The following ANKRD11 variants were observed in gnomAD, a reference collection of about 807,000 sequenced individuals.
ANKRD11 encodes ankyrin repeat domain 11, also known as ankyrin repeat domain-containing protein 11.
ANKRD11 carries 17 observed loss-of-function variants against 195.7 expected under a neutral mutation model. The ratio of observed to expected loss-of-function variants is 0.09; its 90% CI spans 0.06 to 0.13. ANKRD11 has a LOEUF of 0.13. ANKRD11 is among the 10% of genes least tolerant of loss of function. The pLI, the probability that ANKRD11 is intolerant of heterozygous loss-of-function variation, is 1.00. For missense variants in ANKRD11, 3,735 were observed against 3,566.1 expected (o/e 1.05, Z -1.21); for synonymous variants, 1,953 against 1,528.1 (o/e 1.28, Z -6.49).
intron 3 of ANKRD11, among the ~76,000 whole-genome samples, chr16:89,309,042 A>AGACAGCACAGGAG (rs1390785599): frequency 2.4e-4 from 37 of 152,218 alleles, no homozygotes; most frequent in Non-Finnish European, 2.8e-4. Flanking sequence ...AGCTTCTAGA[A>AGACAGCACAGGAG]GACAGCACAG....
chr16:89,453,664 T>C (rs927901943), intron 1 of ANKRD11, among the ~76,000 whole-genome samples: 4 of 152,000 alleles, frequency 2.6e-5, no homozygotes, highest in African/African-American at 4.8e-5. Flanking sequence ...CGAAAAAACA[T>C]ATGGGAAAAT....
chr16:89,423,423 G>A (rs1261336533), intron 1 of ANKRD11, among the ~76,000 whole-genome samples: 4 of 152,222 alleles, frequency 2.6e-5, no homozygotes, highest in Admixed American at 6.5e-5. Context: ...AGAACGGCCC[G>A]CAGTGCATTC....
intron 2 of ANKRD11, among the ~76,000 whole-genome samples, chr16:89,390,306 G>A (rs188976520): frequency 1.9e-4 from 28 of 150,188 alleles, no homozygotes; most frequent in African/African-American, 6.8e-4. Flanking sequence ...GGCGAACACC[G>A]AGTGTGGCGT....
At position 89,286,021 on chromosome 16, in the gene ANKRD11, C is replaced by T. The variant is rs1430781264; in HGVS notation, c.892+18G>A. ...TCCCTGCATAAAAGAACAGGCAGCT[C>T]AGGTGGCCGTGACTTACCCGTCGAG... On this transcript the variant is annotated intron_variant, in intron 8 of 12. Coordinates refer to ENST00000301030, the MANE Select transcript of ANKRD11 (RefSeq NM_013275.6). 1.2e-6 allele frequency: 2 copies of T among 1,614,034 alleles called. No homozygotes were observed. Among genetic ancestry groups the T allele is most frequent in the African/African-American group, 2.7e-5 (2 of 74,936 alleles).
chr16:89,370,679 C>T (rs2040154432), intron 2 of ANKRD11: 1 of 152,468 alleles, frequency 6.6e-6, no homozygotes, highest in South Asian at 2.1e-4. Flanking sequence ...ACCCACCTGG[C>T]CTTGTTCCTC....
Position 89,284,035 on chromosome 16 carries a change from T to C in ANKRD11, c.2507A>G (p.Asp836Gly). 1 of 1,614,164 alleles carries C rather than the reference T, an allele frequency of 6.2e-7. No homozygotes were observed. The highest frequency in any genetic ancestry group is 8.5e-7 in the Non-Finnish European group (1 of 1,180,040). The change falls in exon 9 of 13, where the codon GAT (aspartate) becomes GGT (glycine). Residue 836 changes from aspartate (D) to glycine (G), a missense_variant. Asp to Gly is a moderately conservative substitution (Grantham distance 94). Transcript: ENST00000301030. ...NEDTKFSLSD[D>G]QRDRWFSDLS... The stretch of plus-strand genomic sequence containing the variant: ...GTCAGAAAACCACCGATCTCGCTGA[T>C]CGTCAGAAAGGCTAAATTTGGTGTC...
intron 1 of ANKRD11, among the ~76,000 whole-genome samples, chr16:89,475,326 G>A (rs1257532346): frequency 6.6e-6 from 1 of 152,156 alleles, no homozygotes; most frequent in South Asian, 2.1e-4. Flanking sequence ...TGTGAAAGAA[G>A]ACAATTCCAT....
intron 1 of ANKRD11, among the ~76,000 whole-genome samples, chr16:89,479,342 A>C (rs529255676): frequency 1.3e-5 from 2 of 152,264 alleles, no homozygotes; most frequent in African/African-American, 4.8e-5. Flanking sequence ...CTGATATAAA[A>C]AATATCTAGG....
chr16:89,317,066 C>T lies in ANKRD11; in HGVS notation c.-47G>A. On this transcript the variant is annotated 5_prime_UTR_variant, in exon 3 of 13. It removes an upstream start codon present in the reference 5' UTR. Transcript: ENST00000301030. The stretch of plus-strand genomic sequence containing the variant: ...TTCATTTACACGGCCGGCGCTTCAT[C>T]ATCAACCGTCTGCTTCAAAAGAGAA... 1.3e-6 allele frequency: 2 copies of T among 1,575,256 alleles called. No homozygotes were observed. The highest frequency in any genetic ancestry group is 1.1e-5 in the South Asian group (1 of 87,600).
intron 2 of ANKRD11, among the ~76,000 whole-genome samples, chr16:89,360,013 C>T (rs924487588): frequency 1.3e-5 from 2 of 152,020 alleles, no homozygotes; most frequent in Non-Finnish European, 2.9e-5. Flanking sequence ...CAGTACTAAG[C>T]CCAGTACCCA....
At chr16:89,464,813 C>T (rs768250084) in intron 1 of ANKRD11, among the ~76,000 whole-genome samples, 1 of 152,050 alleles carries the variant, frequency 6.6e-6, no homozygotes, top group Non-Finnish European at 1.5e-5. Flanking sequence ...CCGCAGAGAT[C>T]AAACTCTACA....
At chr16:89,371,336 C>T (rs1460951109) in intron 2 of ANKRD11, among the ~76,000 whole-genome samples, 1 of 152,246 alleles carries the variant, frequency 6.6e-6, no homozygotes, top group Non-Finnish European at 1.5e-5. Context: ...AGATGACAGA[C>T]AAGCACCGCC....
Position 89,305,188 on chromosome 16 carries a change from G to C in ANKRD11, c.226+18C>G. The C allele has an allele frequency of 3.1e-6, 5 of 1,609,048 alleles. No individual in the cohort carries two copies. The highest frequency in any genetic ancestry group is 4.2e-6 in the Non-Finnish European group (5 of 1,179,178). ...TGCCTGTGGAGGGCTGACTGCAGGAGGGGCCGCGGGCTGGTACCTGTGTCC... is the reference window on the plus strand; with the variant it reads ...TGCCTGTGGAGGGCTGACTGCAGGACGGGCCGCGGGCTGGTACCTGTGTCC... On this transcript the variant is annotated intron_variant, in intron 4 of 12. Coordinates refer to ENST00000301030, the MANE Select transcript of ANKRD11 (RefSeq NM_013275.6).
At position 89,279,105 on chromosome 16, in the gene ANKRD11, G is replaced by A. The variant is rs148628471; in HGVS notation, c.7437C>T (p.Asp2479=). 1.1e-4 allele frequency: 171 copies of A among 1,614,030 alleles called. 1 individual carries two copies. Among genetic ancestry groups the A allele is most frequent in the South Asian group, 2.3e-4 (21 of 91,078 alleles). The change falls in exon 9 of 13, where the codon GAC becomes GAT. Residue 2479 remains aspartate, a synonymous_variant. Coordinates refer to ENST00000301030, the MANE Select transcript of ANKRD11 (RefSeq NM_013275.6). This position sits in a 1 kb window ranked among gnomAD's most constrained non-coding sequence, Gnocchi z 5.6. The part of the protein sequence containing the change: ...YVTYTGSYLL[D]GKPLSKLHIP... ...TGTGGAGCTTGCTGAGCGGCTTGCCGTCCAGGAGGTAGGAGCCCGTGTAGG... is the reference window on the plus strand; with the variant it reads ...TGTGGAGCTTGCTGAGCGGCTTGCCATCCAGGAGGTAGGAGCCCGTGTAGG...
chr16:89,294,044 G>T (rs913878766), intron 4 of ANKRD11, among the ~76,000 whole-genome samples: 1 of 152,146 alleles, frequency 6.6e-6, no homozygotes, highest in African/African-American at 2.4e-5. Flanking sequence ...TGCAGAATGG[G>T]CAGGACTCGG....
intron 2 of ANKRD11, among the ~76,000 whole-genome samples, chr16:89,379,427 C>T (rs2040553183): frequency 6.6e-6 from 1 of 152,172 alleles, no homozygotes; most frequent in South Asian, 2.1e-4. Context: ...GGGCCTCCTG[C>T]TCCACACCCT....
At chr16:89,338,646 A>G (rs545846789) in intron 2 of ANKRD11, among the ~76,000 whole-genome samples, 46 of 142,926 alleles carry the variant, frequency 3.2e-4, no homozygotes, top group Non-Finnish European at 6.6e-4. Flanking sequence ...AATTGCTTGA[A>G]CCTGGGAAGC....
At chr16:89,295,837 TGC>T (rs2035386368) in intron 4 of ANKRD11, among the ~76,000 whole-genome samples, 1 of 90,442 alleles carries the variant, frequency 1.1e-5, no homozygotes, top group African/African-American at 4.8e-5. Context: ...GGAGGGGGGA[TGC>T]GACCTTCCTT....
At chr16:89,376,896 A>C (rs1214847830) in intron 2 of ANKRD11, among the ~76,000 whole-genome samples, 1 of 152,250 alleles carries the variant, frequency 6.6e-6, no homozygotes, top group Non-Finnish European at 1.5e-5. Context: ...AGTAGGGTTT[A>C]TGATAAGGAC....
Sources: gnomAD v4.1 joint callset for allele counts (sites outside exome capture counted in the v4.1 genomes callset) on GRCh38, gnomAD v4.1.1 for gene constraint, Gnocchi (gnomAD v3.1) non-coding constraint, MANE v1.5 for transcripts, NCBI Gene and HGNC (gene_info 2026-07-23, HGNC 2026-07-21) for gene names.